The following RLN2 variants were observed in gnomAD, a reference collection of about 807,000 sequenced individuals.
RLN2 encodes relaxin 2.
In RLN2, 10 loss-of-function variants were observed where a neutral mutation model predicts 7.3. The ratio of observed to expected loss-of-function variants is 1.36; its 90% CI spans 0.84 to 2.31. The LOEUF (loss-of-function observed/expected upper bound fraction) is 2.31, where lower values mean the gene tolerates loss of function less well. Among genes scored for constraint, RLN2 ranks in the 30% most tolerant of loss-of-function variants. RLN2 has a pLI of 0.00. For synonymous variants in RLN2, 103 were observed against 82.3 expected (o/e 1.25, Z -1.36); for missense variants, 298 against 217.6 (o/e 1.37, Z -2.32).
the RLN2 span, among the ~76,000 whole-genome samples, chr9:5,318,616 A>C: frequency 6.6e-6 from 1 of 152,012 alleles, no homozygotes; most frequent in Non-Finnish European, 1.5e-5. Context: ...AGAATCACAG[A>C]ACAAGAGAAT....
upstream of RLN2, among the ~76,000 whole-genome samples, chr9:5,308,664 G>T (rs1470594826): frequency 6.6e-6 from 1 of 151,920 alleles, no homozygotes; most frequent in Non-Finnish European, 1.5e-5. Flanking sequence ...GTTCTATAAG[G>T]CCTAAAATTA....
chr9:5,305,264 T>C (rs550160577), upstream of RLN2, among the ~76,000 whole-genome samples: 14 of 151,954 alleles, frequency 9.2e-5, no homozygotes, highest in East Asian at 2.5e-3. Flanking sequence ...CATTGCACTT[T>C]CCTTCCACTC....
At chr9:5,323,340 CA>C in the RLN2 span, among the ~76,000 whole-genome samples, 1 of 151,928 alleles carries the variant, frequency 6.6e-6, no homozygotes, top group African/African-American at 2.4e-5. Context: ...CAAAAAACCT[CA>C]AAGGGTACAC....
At chr9:5,304,941 T>G (rs1269210597), upstream of RLN2, 1 of 220,044 alleles carries the variant, frequency 4.5e-6, no homozygotes, top group African/African-American at 2.3e-5. Context: ...ATGAAGCCTT[T>G]CCTTTTACAC....
chr9:5,318,670 T>C, the RLN2 span, among the ~76,000 whole-genome samples: 4 of 152,132 alleles, frequency 2.6e-5, no homozygotes, highest in Admixed American at 2.6e-4. Context: ...GGTAAGAAAA[T>C]GAGCTGTGCT....
the RLN2 span, among the ~76,000 whole-genome samples, chr9:5,329,735 T>A: frequency 1.3e-5 from 2 of 151,866 alleles, no homozygotes; most frequent in Non-Finnish European, 2.9e-5. Flanking sequence ...ATGGACCCAA[T>A]ACAGGAGCAC....
chr9:5,317,546 A>T, the RLN2 span, among the ~76,000 whole-genome samples: 2 of 151,486 alleles, frequency 1.3e-5, no homozygotes, highest in East Asian at 3.9e-4. Flanking sequence ...AAGCCTATAT[A>T]GGTAAAGCAG....
At chr9:5,305,176 A>G (rs942937807), upstream of RLN2, among the ~76,000 whole-genome samples, 1 of 151,998 alleles carries the variant, frequency 6.6e-6, no homozygotes, top group Non-Finnish European at 1.5e-5. Flanking sequence ...ATCTGAATGC[A>G]GGTAAAAACA....
chr9:5,309,485 C>T (rs77683808), upstream of RLN2, among the ~76,000 whole-genome samples: 1,003 of 152,096 alleles, frequency 6.6e-3, 22 homozygotes, highest in African/African-American at 0.023. Flanking sequence ...CAGTCCTACT[C>T]ACTCCCTGAC....
Position 5,301,680 on chromosome 9 carries a change from A to C in RLN2, c.212-1236T>G, listed in dbSNP as rs1220105136. On this transcript the variant is annotated intron_variant, in intron 1 of 1. Transcript: ENST00000381627. ...AGTGCGGGAGGCAGACACCTGGTTA[A>C]CCACTGATGCCTGCTGATCAGAGGA... is the stretch of plus-strand genomic sequence containing the variant. Among the ~76,000 whole-genome samples the C allele has an allele frequency of 2.0e-5, 3 of 152,300 alleles. No homozygotes were observed. In the East Asian group the frequency reaches 5.8e-4, roughly 29 times the overall value.
the RLN2 span, chr9:5,335,155 T>C: frequency 1.5e-6 from 1 of 660,518 alleles, no homozygotes; most frequent in Non-Finnish European, 2.5e-6. Flanking sequence ...AGATTTCTTA[T>C]ATTCTAATAA....
At chr9:5,301,873 A>C (rs772053368) in intron 1 of RLN2, among the ~76,000 whole-genome samples, 21 of 152,280 alleles carry the variant, frequency 1.4e-4, no homozygotes, top group African/African-American at 3.1e-4. Context: ...CTTCCTCCCA[A>C]CACTCTCCCT....
At chr9:5,335,309 A>G in the RLN2 span, 6 of 1,604,394 alleles carry the variant, frequency 3.7e-6, no homozygotes, top group Middle Eastern at 1.7e-4. Context: ...TTTCTCAAAC[A>G]GTGCCACGTA....
the RLN2 span, among the ~76,000 whole-genome samples, chr9:5,318,289 C>G: frequency 6.6e-6 from 1 of 151,844 alleles, no homozygotes; most frequent in Admixed American, 6.6e-5. Context: ...CTTTTTTGTT[C>G]CTCCTACCAT....
At chr9:5,328,162 G>GA in the RLN2 span, among the ~76,000 whole-genome samples, 2 of 151,830 alleles carry the variant, frequency 1.3e-5, no homozygotes. Flanking sequence ...TAAAAACCTT[G>GA]AAAAAAAGTT....
the RLN2 span, among the ~76,000 whole-genome samples, chr9:5,320,037 G>C: frequency 4.5e-3 from 672 of 150,216 alleles, 6 homozygotes; most frequent in African/African-American, 0.016. Context: ...CCAGACCAGA[G>C]TGAGGTGGCA....
chr9:5,309,889 C>T, the RLN2 span, among the ~76,000 whole-genome samples: 1 of 151,922 alleles, frequency 6.6e-6, no homozygotes, highest in East Asian at 1.9e-4. Flanking sequence ...GCCCTGGCTA[C>T]AGAGTATAAA....
rs748273043 is a variant in RLN2 at position 5,300,314 on chromosome 9, T to C, written c.342A>G (p.Gln114=). 10 of 1,613,424 alleles carry C rather than the reference T, an allele frequency of 6.2e-6. No homozygotes were observed. The South Asian group carries it at 7.7e-5, about 12-fold the overall frequency. ...TGGAATCTTTTAATACAGGTACATG[T>C]TGTTGTAGCTGTGGTAATGCTGGCT... ...EMQPALPQLQ[Q]HVPVLKDSSL... is the part of the protein sequence containing the mutation. The change falls in exon 2 of 2, where the codon CAA becomes CAG. Residue 114 remains glutamine (Q), a synonymous_variant. Coordinates refer to ENST00000381627, the MANE Select transcript of RLN2 (RefSeq NM_134441.3).
chr9:5,335,669 G>GCAAACATTCACAGT, the RLN2 span: 1 of 895,196 alleles, frequency 1.1e-6, no homozygotes. Context: ...AACTGTGAAT[G>GCAAACATTCACAGT]TTTGCATACA....
Sources: allele counts gnomAD v4.1 joint callset (sites outside exome capture counted in the v4.1 genomes callset), GRCh38; gene constraint gnomAD v4.1.1; transcripts MANE v1.5; gene names NCBI Gene and HGNC (gene_info 2026-07-23, HGNC 2026-07-21).